EEIG1: variants seen among roughly 807,000 people sequenced by gnomAD.
The protein encoded by EEIG1 is estrogen-induced osteoclastogenesis regulator 1.
chr9:127,958,498 C>A, the EEIG1 span, among the ~76,000 whole-genome samples: 1 of 151,948 alleles, frequency 6.6e-6, no homozygotes, highest in African/African-American at 2.4e-5. Flanking sequence ...GACCCCATCT[C>A]TACAGAAAAT....
the EEIG1 span, among the ~76,000 whole-genome samples, chr9:127,976,145 G>C: frequency 6.6e-6 from 1 of 152,188 alleles, no homozygotes; most frequent in Non-Finnish European, 1.5e-5. This position sits in a 1 kb window ranked among gnomAD's most constrained non-coding sequence, Gnocchi z 4.1. Context: ...CAAAGGTCTG[G>C]GGCTGTCACA....
chr9:127,944,751 G>A, the EEIG1 span: 46 of 1,611,020 alleles, frequency 2.9e-5, no homozygotes, highest in East Asian at 1.8e-4. Flanking sequence ...AGGTGGCCTC[G>A]CCCCCACCAG....
the EEIG1 span, among the ~76,000 whole-genome samples, chr9:127,965,545 A>G: frequency 6.6e-6 from 1 of 151,888 alleles, no homozygotes; most frequent in Non-Finnish European, 1.5e-5. Context: ...TAAGTCCATC[A>G]CTTAAGTCCC....
chr9:127,972,767 G>A, the EEIG1 span: 1 of 152,292 alleles, frequency 6.6e-6, no homozygotes, highest in East Asian at 1.9e-4. This position sits in a 1 kb window ranked among gnomAD's most constrained non-coding sequence, Gnocchi z 4.3. Context: ...GGGTGGGGGT[G>A]CGGGCAGCTT....
chr9:127,946,262 G>A, the EEIG1 span, among the ~76,000 whole-genome samples: 65 of 152,348 alleles, frequency 4.3e-4, no homozygotes, highest in African/African-American at 1.5e-3. Flanking sequence ...GAGTGGAAGG[G>A]ACATGGTGAG....
chr9:127,971,919 G>A, the EEIG1 span, among the ~76,000 whole-genome samples: 4 of 152,204 alleles, frequency 2.6e-5, no homozygotes, highest in Non-Finnish European at 4.4e-5. Flanking sequence ...CAAAGGCACA[G>A]AAACCAGAAG....
the EEIG1 span, among the ~76,000 whole-genome samples, chr9:127,960,312 G>A: frequency 6.6e-6 from 1 of 152,196 alleles, no homozygotes; most frequent in South Asian, 2.1e-4. Context: ...TGGCTGAAGA[G>A]GAGCTGGGGG....
At chr9:127,949,603 T>G in the EEIG1 span, among the ~76,000 whole-genome samples, 1 of 152,228 alleles carries the variant, frequency 6.6e-6, no homozygotes, top group Non-Finnish European at 1.5e-5. Flanking sequence ...CCCAAGACAA[T>G]CAGCCTGGAC....
At chr9:127,952,571 G>A in the EEIG1 span, among the ~76,000 whole-genome samples, 1 of 152,232 alleles carries the variant, frequency 6.6e-6, no homozygotes, top group Non-Finnish European at 1.5e-5. Context: ...CAATGCACAT[G>A]TCCAGCAGCA....
At chr9:127,948,792 C>T in the EEIG1 span, among the ~76,000 whole-genome samples, 1 of 152,222 alleles carries the variant, frequency 6.6e-6, no homozygotes, top group African/African-American at 2.4e-5. Context: ...CTCAACCCAG[C>T]AGGCAGGAGA....
the EEIG1 span, among the ~76,000 whole-genome samples, chr9:127,947,190 G>A: frequency 6.6e-6 from 1 of 150,508 alleles, no homozygotes; most frequent in Non-Finnish European, 1.5e-5. Context: ...GACAGATCAC[G>A]AGGTCAGGAG....
At chr9:127,966,292 C>T in the EEIG1 span, among the ~76,000 whole-genome samples, 73 of 152,234 alleles carry the variant, frequency 4.8e-4, 1 homozygote, top group East Asian at 0.014. Flanking sequence ...CAAGCAGCAA[C>T]CTTGAGACTG....
chr9:127,980,177 A>C, the EEIG1 span: 1 of 1,591,930 alleles, frequency 6.3e-7, no homozygotes. Flanking sequence ...AGGCGAAAAA[A>C]GGTGGAGAGG....
At chr9:127,980,949 T>C in the EEIG1 span, among the ~76,000 whole-genome samples, 1 of 149,186 alleles carries the variant, frequency 6.7e-6, no homozygotes, top group Non-Finnish European at 1.5e-5. Flanking sequence ...GCCCCGACGC[T>C]GCAGCCAGAG....
At chr9:127,980,240 ATCCCG>A in the EEIG1 span, 1 of 1,314,410 alleles carries the variant, frequency 7.6e-7, no homozygotes, top group Non-Finnish European at 1.0e-6. Flanking sequence ...CCAGAGCCGG[ATCCCG>A]CCCTGATGGT....
At chr9:127,961,240 C>T in the EEIG1 span, among the ~76,000 whole-genome samples, 3 of 152,192 alleles carry the variant, frequency 2.0e-5, no homozygotes, top group African/African-American at 7.2e-5. Flanking sequence ...CCCTCAGCCC[C>T]GGGGCCCCTC....
At chr9:127,947,130 G>A in the EEIG1 span, among the ~76,000 whole-genome samples, 1 of 151,676 alleles carries the variant, frequency 6.6e-6, no homozygotes. Flanking sequence ...GTGCCCAGCC[G>A]GGCGCGGTGG....
chr9:127,949,311 CAAAAAAAAAAAA>C, the EEIG1 span, among the ~76,000 whole-genome samples: 2 of 90,160 alleles, frequency 2.2e-5, no homozygotes, highest in Non-Finnish European at 4.1e-5. Flanking sequence ...GACTCTGTCT[CAAAAAAAAAAAA>C]AAAAAAAAAG....
the EEIG1 span, among the ~76,000 whole-genome samples, chr9:127,963,211 G>A: frequency 6.6e-6 from 1 of 152,350 alleles, no homozygotes; most frequent in Admixed American, 6.5e-5. Context: ...AAAGGGTATG[G>A]GTTAGGAAGG....
Sources: gnomAD v4.1 joint callset for allele counts (sites outside exome capture counted in the v4.1 genomes callset) on GRCh38, gnomAD v4.1.1 for gene constraint, Gnocchi (gnomAD v3.1) non-coding constraint, MANE v1.5 for transcripts, NCBI Gene and HGNC (gene_info 2026-07-23, HGNC 2026-07-21) for gene names.